Variants in ASAP1 observed in about 807,000 individuals in gnomAD.
The protein encoded by ASAP1 is arf-GAP with SH3 domain, ANK repeat and PH domain-containing protein 1.
Under a neutral mutation model 145.2 loss-of-function variants are expected in ASAP1, and 43 were observed. That is an observed-to-expected ratio of 0.30 (90% CI 0.23 to 0.38). ASAP1 has a LOEUF of 0.38. Among genes scored for constraint, ASAP1 ranks in the 10% least tolerant of loss-of-function variants. The pLI, the probability that ASAP1 is intolerant of heterozygous loss-of-function variation, is 1.00. For synonymous variants in ASAP1, 546 were observed against 515.5 expected, an observed-to-expected ratio of 1.06 and a Z score of -0.80; for missense variants, 1,018 against 1,355.3, an observed-to-expected ratio of 0.75 and a Z score of 3.91.
intron 3 of ASAP1, among the ~76,000 whole-genome samples, chr8:130,318,264 T>A (rs1005709295): frequency 3.3e-5 from 5 of 152,090 alleles, no homozygotes; most frequent in African/African-American, 1.2e-4. Context: ...TATTCTTTTG[T>A]AGAGACAGGG....
chr8:130,192,946 CAG>C (rs1288844457), intron 5 of ASAP1, among the ~76,000 whole-genome samples: 3 of 152,198 alleles, frequency 2.0e-5, no homozygotes, highest in Non-Finnish European at 2.9e-5. Flanking sequence ...AAATAAATTA[CAG>C]AGTTTCTAAA....
At chr8:130,147,055 G>A (rs1252211421) in intron 13 of ASAP1, among the ~76,000 whole-genome samples, 4 of 151,664 alleles carry the variant, frequency 2.6e-5, no homozygotes, top group Middle Eastern at 3.2e-3. Flanking sequence ...GTGAAACCCC[G>A]TCTCTACTAA....
At chr8:130,289,210 A>AC (rs1821804193) in intron 3 of ASAP1, among the ~76,000 whole-genome samples, 3 of 152,062 alleles carry the variant, frequency 2.0e-5, no homozygotes, top group South Asian at 4.1e-4. Flanking sequence ...AAACAAACAA[A>AC]AAAAAAAACT....
In ASAP1 at chr8:130,233,076, G is replaced by A. The variant is rs115319968; in HGVS notation, c.259+3846C>T. Reference sequence around the variant, plus strand: ...AAACCCAGCTATACTATACTTGTTCGTGACTGCAGAAACCCTATCAGGCCT... The same window carrying A: ...AAACCCAGCTATACTATACTTGTTCATGACTGCAGAAACCCTATCAGGCCT... On this transcript the variant is annotated intron_variant, in intron 4 of 29. Coordinates refer to ENST00000518721, the MANE Select transcript of ASAP1 (RefSeq NM_018482.4). Among the ~76,000 whole-genome samples the A allele has an allele frequency of 5.6e-3, 856 of 152,212 alleles. 9 individuals are homozygous for A. Among genetic ancestry groups the A allele is most frequent in the African/African-American group, 0.019 (807 of 41,526 alleles).
At chr8:130,387,973 T>C (rs1461768949) in intron 2 of ASAP1, among the ~76,000 whole-genome samples, 1 of 152,168 alleles carries the variant, frequency 6.6e-6, no homozygotes, top group Non-Finnish European at 1.5e-5. Context: ...CAATTCCAGA[T>C]TGTTACAACT....
At chr8:130,153,332 A>AATATATATATATATATATATATATATGT (rs1213873883) in intron 12 of ASAP1, among the ~76,000 whole-genome samples, 3 of 87,508 alleles carry the variant, frequency 3.4e-5, no homozygotes, top group Non-Finnish European at 4.5e-5. Flanking sequence ...CTGCTTTTTA[A>AATATATATATATATATATATATATATGT]ATATATATAT....
Position 130,299,497 on chromosome 8 carries a change from T to C in ASAP1, c.186+58520A>G, listed in dbSNP as rs569114966. Among the ~76,000 whole-genome samples the C allele has an allele frequency of 2.0e-5, 3 of 152,362 alleles. No homozygotes were observed. In the South Asian group the frequency reaches 6.2e-4, roughly 32 times the overall value. ...ATATGGCACAGTACCTTTCTCATCC[T>C]CATCCCCTTTTTAAAGGATGCATCT... On this transcript the variant is annotated intron_variant, in intron 3 of 29. Coordinates refer to ENST00000518721, the MANE Select transcript of ASAP1 (RefSeq NM_018482.4).
intron 2 of ASAP1, among the ~76,000 whole-genome samples, chr8:130,393,803 A>G (rs1828396401): frequency 6.6e-6 from 1 of 152,248 alleles, no homozygotes; most frequent in South Asian, 2.1e-4. Flanking sequence ...AAGCCGTGGC[A>G]GAAGAACATA....
At chr8:130,252,463 G>A (rs764215196) in intron 3 of ASAP1, among the ~76,000 whole-genome samples, 1 of 152,010 alleles carries the variant, frequency 6.6e-6, no homozygotes, top group Non-Finnish European at 1.5e-5. Flanking sequence ...TGCAATGCCT[G>A]CTTTTTCCTG....
intron 3 of ASAP1, among the ~76,000 whole-genome samples, chr8:130,299,686 CAG>C (rs10547542): frequency 0.38 from 58,306 of 151,748 alleles, 11,669 homozygotes; most frequent in African/African-American, 0.5. Context: ...TTTAAAGAAA[CAG>C]AGAGATCAAG....
intron 13 of ASAP1, among the ~76,000 whole-genome samples, chr8:130,140,677 C>A (rs1314116253): frequency 6.6e-6 from 1 of 152,178 alleles, no homozygotes; most frequent in East Asian, 1.9e-4. Flanking sequence ...ATCTACTAGA[C>A]TGACTTTTGC....
chr8:130,345,955 A>C (rs537795463), intron 3 of ASAP1, among the ~76,000 whole-genome samples: 2 of 152,350 alleles, frequency 1.3e-5, no homozygotes, highest in African/African-American at 2.4e-5. Flanking sequence ...CACAACCTTC[A>C]AGAAATTTAG....
chr8:130,208,112 C>G (rs1816340710), intron 5 of ASAP1, among the ~76,000 whole-genome samples: 1 of 152,106 alleles, frequency 6.6e-6, no homozygotes, highest in African/African-American at 2.4e-5. Context: ...TATAGACTCA[C>G]CAAAAAATTG....
chr8:130,346,210 A>G (rs1825694904), intron 3 of ASAP1, among the ~76,000 whole-genome samples: 1 of 152,248 alleles, frequency 6.6e-6, no homozygotes, highest in Non-Finnish European at 1.5e-5. Flanking sequence ...TGAGGTACTT[A>G]CAATCTACTA....
In ASAP1 at chr8:130,152,760, C is replaced by A; in HGVS notation, c.1056G>T (p.Gly352=). The change falls in exon 13 of 30, where the codon GGG becomes GGT. Residue 352 remains glycine (G), a synonymous_variant. Coordinates refer to ENST00000518721, the MANE Select transcript of ASAP1 (RefSeq NM_018482.4). ...WQRRKCSVKN[G]ILTISHATSN... ...CTGTGGCATGTGAGATGGTCAGAATCCCATTCTTGACTGAACACTTCCTCC... is the reference window on the plus strand; with the variant it reads ...CTGTGGCATGTGAGATGGTCAGAATACCATTCTTGACTGAACACTTCCTCC... The A allele has an allele frequency of 6.2e-7, 1 of 1,611,746 alleles. No homozygotes were observed. The highest frequency in any genetic ancestry group is 2.2e-5 in the East Asian group (1 of 44,842).
At chr8:130,181,188 G>C (rs1227006099) in intron 7 of ASAP1, among the ~76,000 whole-genome samples, 1 of 152,154 alleles carries the variant, frequency 6.6e-6, no homozygotes, top group African/African-American at 2.4e-5. Flanking sequence ...AAGTTAAAAG[G>C]CAAGAATTCT....
At chr8:130,207,684 G>C (rs991582571) in intron 5 of ASAP1, among the ~76,000 whole-genome samples, 8 of 152,272 alleles carry the variant, frequency 5.3e-5, no homozygotes, top group Middle Eastern at 3.4e-3. Context: ...CCATGCACTT[G>C]TAAGTATGCC....
intron 9 of ASAP1, 102 bp from the exon 10 acceptor site, chr8:130,169,169 T>C: frequency 1.5e-6 from 1 of 666,610 alleles, no homozygotes; most frequent in Non-Finnish European, 2.6e-6. Context: ...ACCTACAAAA[T>C]CTGAAAATAC....
At chr8:130,414,912 A>G (rs1829413498) in intron 1 of ASAP1, among the ~76,000 whole-genome samples, 1 of 152,148 alleles carries the variant, frequency 6.6e-6, no homozygotes, top group African/African-American at 2.4e-5. Context: ...ATACGCCACC[A>G]CAGCCCAGCT....
Sources: allele counts gnomAD v4.1 joint callset (sites outside exome capture counted in the v4.1 genomes callset), GRCh38; gene constraint gnomAD v4.1.1; transcripts MANE v1.5; gene names NCBI Gene and HGNC (gene_info 2026-07-23, HGNC 2026-07-21).